The following PTK7 variants were observed in gnomAD, a reference collection of about 807,000 sequenced individuals.
PTK7 encodes the protein protein tyrosine kinase 7 (inactive).
A neutral mutation model predicts 116.6 loss-of-function variants in PTK7; 39 were observed. The observed-to-expected ratio is 0.33, with a 90% CI of 0.26 to 0.44. PTK7 has a LOEUF of 0.44. Among genes scored for constraint, PTK7 ranks in the 20% least tolerant of loss-of-function variants. The pLI, the probability that PTK7 is intolerant of heterozygous loss-of-function variation, is 1.00. For synonymous variants in PTK7, 546 were observed against 563.6 expected, an observed-to-expected ratio of 0.97 and a Z score of 0.44; for missense variants, 1,169 against 1,425.6, an observed-to-expected ratio of 0.82 and a Z score of 2.90.
rs1582060389 is a variant in PTK7 at position 43,086,603 on chromosome 6, G to A, written c.79+10036G>A. 2.0e-5 allele frequency among the ~76,000 whole-genome samples: 3 copies of A among 152,290 alleles called. 1 individual carries two copies. The highest frequency in any genetic ancestry group is 7.2e-5 in the African/African-American group (3 of 41,548). On this transcript the variant is annotated intron_variant, in intron 1 of 19. Transcript: ENST00000230419. Reference sequence around the variant, plus strand: ...GTAATCCCAGCACTTGGGAGGCAGAGGCAAGTGGATCACTTGAGCTCAGGA... The same window carrying A: ...GTAATCCCAGCACTTGGGAGGCAGAAGCAAGTGGATCACTTGAGCTCAGGA...
intron 17 of PTK7, among the ~76,000 whole-genome samples, chr6:43,157,400 G>T (rs1177304968): frequency 8.5e-5 from 6 of 70,830 alleles, no homozygotes; most frequent in African/African-American, 2.1e-4. Flanking sequence ...TTTTTTAATA[G>T]AGTCTCACTA....
At chr6:43,156,132 G>A (rs1771410877) in intron 17 of PTK7, among the ~76,000 whole-genome samples, 1 of 150,278 alleles carries the variant, frequency 6.7e-6, no homozygotes, top group Non-Finnish European at 1.5e-5. Context: ...GGGAGGCTGA[G>A]GCACGAGAGT....
intron 1 of PTK7, among the ~76,000 whole-genome samples, chr6:43,116,161 C>A (rs1015962171): frequency 6.6e-6 from 1 of 152,060 alleles, no homozygotes; most frequent in Admixed American, 6.6e-5. Flanking sequence ...AAGACCCCTC[C>A]CCAGAAAGAA....
intron 17 of PTK7, among the ~76,000 whole-genome samples, chr6:43,153,406 C>T (rs1380655580): frequency 2.0e-5 from 3 of 151,160 alleles, no homozygotes; most frequent in Non-Finnish European, 4.4e-5. Context: ...AGCCACCACA[C>T]CCGGCCTGTA....
chr6:43,112,471 C>T (rs1270375709), intron 1 of PTK7, among the ~76,000 whole-genome samples: 1 of 151,934 alleles, frequency 6.6e-6, no homozygotes, highest in Non-Finnish European at 1.5e-5. Flanking sequence ...CATCTGTCTG[C>T]CAGGGCCCGG....
chr6:43,080,691 C>T lies in PTK7; in HGVS notation c.79+4124C>T, dbSNP rs142223680. On this transcript the variant is annotated intron_variant, in intron 1 of 19. Transcript: ENST00000230419. ...GTGCAGTGGCTCACATCTGTAATCC[C>T]AGCACTTTGGGAGGCCAAGGCAGGC... 3.9e-3 allele frequency among the ~76,000 whole-genome samples: 598 copies of T among 152,262 alleles called. 4 individuals are homozygous for T. Among genetic ancestry groups the T allele is most frequent in the African/African-American group, 0.014 (569 of 41,538 alleles).
intron 1 of PTK7, among the ~76,000 whole-genome samples, chr6:43,126,960 C>T (rs987421941): frequency 2.0e-5 from 3 of 152,156 alleles, no homozygotes; most frequent in African/African-American, 7.2e-5. Flanking sequence ...TGTGGGCTGG[C>T]ACCTATGAGC....
At chr6:43,118,052 G>GTGGGCAGTCAGAGGAACT (rs1467788598) in intron 1 of PTK7, among the ~76,000 whole-genome samples, 1 of 151,240 alleles carries the variant, frequency 6.6e-6, no homozygotes, top group Non-Finnish European at 1.5e-5. Flanking sequence ...CTAGCAAGAA[G>GTGGGCAGTCAGAGGAACT]TGGGCAGTCA....
intron 17 of PTK7, 138 bp downstream of exon 17, chr6:43,146,836 G>A (rs781761886): frequency 1.3e-4 from 98 of 729,226 alleles, no homozygotes; most frequent in Non-Finnish European, 2.0e-4. Flanking sequence ...TAATTATCAC[G>A]GTAGTCGTCT....
chr6:43,132,185 T>C (rs1582162726), intron 6 of PTK7, 21 bp downstream of exon 6: 32 of 1,586,654 alleles, frequency 2.0e-5, no homozygotes, highest in Non-Finnish European at 2.7e-5. Flanking sequence ...GGGTCTGGGG[T>C]GCTGATGTGG....
At chr6:43,087,571 A>G (rs1017827226) in intron 1 of PTK7, among the ~76,000 whole-genome samples, 1 of 152,176 alleles carries the variant, frequency 6.6e-6, no homozygotes, top group Admixed American at 6.5e-5. Flanking sequence ...AGCCTGAGGA[A>G]GCACCAGGAG....
chr6:43,078,313 C>G (rs955620558), intron 1 of PTK7, among the ~76,000 whole-genome samples: 2 of 151,402 alleles, frequency 1.3e-5, no homozygotes, highest in African/African-American at 4.9e-5. Context: ...AGGCTGAGGG[C>G]TTAGGACAGG....
chr6:43,081,713 A>G lies in PTK7; in HGVS notation c.79+5146A>G, dbSNP rs553537891. Among the ~76,000 whole-genome samples, 197 of 152,152 alleles carry G rather than the reference A, an allele frequency of 1.3e-3. 2 individuals are homozygous for G. Among genetic ancestry groups the G allele is most frequent in the South Asian group, 8.7e-3 (42 of 4,822 alleles). On this transcript the variant is annotated intron_variant, in intron 1 of 19. Coordinates refer to ENST00000230419, the MANE Select transcript of PTK7 (RefSeq NM_002821.5). Reference sequence around the variant, plus strand: ...AGCCACTGCACCCAGCCGATATAACAGGTCCTCATATAGGTTTATTTAAAA... The same window carrying G: ...AGCCACTGCACCCAGCCGATATAACGGGTCCTCATATAGGTTTATTTAAAA...
intron 1 of PTK7, among the ~76,000 whole-genome samples, chr6:43,088,135 G>A (rs929447811): frequency 3.3e-5 from 5 of 151,840 alleles, no homozygotes; most frequent in African/African-American, 1.2e-4. Context: ...CCATCTCTAC[G>A]GAATAGAAAA....
chr6:43,153,607 C>T (rs1771254248), intron 17 of PTK7, among the ~76,000 whole-genome samples: 1 of 152,158 alleles, frequency 6.6e-6, no homozygotes, highest in African/African-American at 2.4e-5. Flanking sequence ...AATGGGGTCT[C>T]ACTATGTTGC....
At chr6:43,104,808 CTTTTTTT>C (rs35126838) in intron 1 of PTK7, among the ~76,000 whole-genome samples, 2 of 102,846 alleles carry the variant, frequency 1.9e-5, no homozygotes, top group African/African-American at 4.0e-5. Context: ...ATTAGCACAA[CTTTTTTT>C]TTTTTTTTTT....
intron 1 of PTK7, among the ~76,000 whole-genome samples, chr6:43,114,524 A>T (rs1426099337): frequency 6.6e-6 from 1 of 151,390 alleles, no homozygotes; most frequent in Admixed American, 6.6e-5. Context: ...GAATGGGGGC[A>T]CAGCCAGTTC....
At chr6:43,155,064 G>A (rs1304760741) in intron 17 of PTK7, among the ~76,000 whole-genome samples, 1 of 152,248 alleles carries the variant, frequency 6.6e-6, no homozygotes, top group Non-Finnish European at 1.5e-5. Flanking sequence ...CCCCTTCTCT[G>A]TGAATGGGTG....
chr6:43,101,510 C>A (rs923255922), intron 1 of PTK7, among the ~76,000 whole-genome samples: 1 of 151,218 alleles, frequency 6.6e-6, no homozygotes, highest in Non-Finnish European at 1.5e-5. Context: ...TGAGATTGCG[C>A]CACTGCACTC....
Sources: allele counts gnomAD v4.1 joint callset (sites outside exome capture counted in the v4.1 genomes callset), GRCh38; gene constraint gnomAD v4.1.1; transcripts MANE v1.5; gene names NCBI Gene and HGNC (gene_info 2026-07-23, HGNC 2026-07-21).